MRPL50: variants seen among roughly 807,000 people sequenced by gnomAD.
MRPL50 encodes the protein mitochondrial ribosomal protein L50.
Under a neutral mutation model 16.2 loss-of-function variants are expected in MRPL50, and 10 were observed. That is an observed-to-expected ratio of 0.62 (90% confidence interval 0.38 to 1.05). The LOEUF (loss-of-function observed/expected upper bound fraction) is 1.05, where lower values mean the gene tolerates loss of function less well. Among genes scored for constraint, MRPL50 ranks in the 50% least tolerant of loss-of-function variants. MRPL50 has a pLI of 0.01. For synonymous variants in MRPL50, 68 were observed against 66.8 expected (o/e 1.02, Z -0.09); for missense variants, 213 against 187.1 (o/e 1.14, Z -0.81).
At position 101,390,212 on chromosome 9, in the gene MRPL50, C is replaced by T; in HGVS notation, c.*254G>A. The T allele has an allele frequency of 8.5e-7, 1 of 1,179,430 alleles. No homozygotes were observed. Among genetic ancestry groups the T allele is most frequent in the South Asian group, 2.7e-5 (1 of 37,630 alleles). 73.1% of individuals were successfully genotyped at this position (1,179,430 alleles called of 1,614,324 possible). A position where few individuals can be genotyped will look rare whatever the true frequency, so the allele number is the denominator to read the frequency against. ...TGTCTTAAACCCAAGTTGACAGTGCCCTCTCAAAACTTTTCATAAATAATG... is the reference window on the plus strand; with the variant it reads ...TGTCTTAAACCCAAGTTGACAGTGCTCTCTCAAAACTTTTCATAAATAATG... On this transcript the variant is annotated 3_prime_UTR_variant, in exon 2 of 2. Coordinates refer to ENST00000374865, the MANE Select transcript of MRPL50 (RefSeq NM_019051.3).
chr9:101,389,528 C>G lies in MRPL50; in HGVS notation c.*938G>C. 1 of 1,211,232 alleles carries G rather than the reference C, an allele frequency of 8.3e-7. No individual in the cohort carries two copies. The highest frequency in any genetic ancestry group is 1.1e-6 in the Non-Finnish European group (1 of 920,020). The allele number at this position is 1,211,232 out of a possible 1,614,324, so 75.0% of individuals were successfully genotyped here. On this transcript the variant is annotated 3_prime_UTR_variant, in exon 2 of 2. Coordinates refer to ENST00000374865, the MANE Select transcript of MRPL50 (RefSeq NM_019051.3). ...AATGCAACTTATTTTGTTAAAAACCCTTCTATCACTTTTCTTTAGGAATTG... is the reference window on the plus strand; with the variant it reads ...AATGCAACTTATTTTGTTAAAAACCGTTCTATCACTTTTCTTTAGGAATTG...
intron 1 of MRPL50, among the ~76,000 whole-genome samples, chr9:101,391,885 G>C (rs1438383168): frequency 6.6e-6 from 1 of 152,026 alleles, no homozygotes; most frequent in Non-Finnish European, 1.5e-5. Context: ...CTTCTCATGA[G>C]TACATGGTAC....
rs1259989693 is a variant in MRPL50, at chr9:101,390,099, C to G, written c.*367G>C. 4.9e-6 allele frequency: 5 copies of G among 1,012,164 alleles called. No individual in the cohort carries two copies. The highest frequency in any genetic ancestry group is 5.9e-6 in the Non-Finnish European group (5 of 846,544). The allele number at this position is 1,012,164 out of a possible 1,614,324, so 62.7% of individuals were successfully genotyped here. On this transcript the variant is annotated 3_prime_UTR_variant, in exon 2 of 2. Transcript: ENST00000374865. ...ATTTGTGTATGTGCAATGCATAACT[C>G]TATCTTAGATATGAATCCTAACAGG...
chr9:101,394,442 C>T (rs908718104), intron 1 of MRPL50, among the ~76,000 whole-genome samples: 1 of 152,148 alleles, frequency 6.6e-6, no homozygotes, highest in African/African-American at 2.4e-5. Flanking sequence ...CTCACTTAGA[C>T]CCCCTATGAT....
intron 1 of MRPL50, among the ~76,000 whole-genome samples, chr9:101,395,856 A>ATTTTT (rs764871014): frequency 3.3e-5 from 5 of 152,232 alleles, no homozygotes; most frequent in Admixed American, 6.5e-5. Flanking sequence ...TACAGCTAAA[A>ATTTTT]AGAGTAAGTT....
At chr9:101,397,165 C>A (rs1400702170) in intron 1 of MRPL50, among the ~76,000 whole-genome samples, 1 of 151,904 alleles carries the variant, frequency 6.6e-6, no homozygotes, top group Non-Finnish European at 1.5e-5. Flanking sequence ...ACCACACACA[C>A]AAAAATTCTA....
intron 1 of MRPL50, among the ~76,000 whole-genome samples, chr9:101,393,990 C>CAAAAAAAAA (rs76598460): frequency 1.5e-5 from 1 of 66,480 alleles, no homozygotes; most frequent in Admixed American, 1.6e-4. Context: ...TAATGCTAAG[C>CAAAAAAAAA]AAAAAAAAAA....
At chr9:101,393,990 C>CAAAAAAAAAAAAAAAAAAAAAAAAAA (rs76598460) in intron 1 of MRPL50, among the ~76,000 whole-genome samples, 3 of 66,484 alleles carry the variant, frequency 4.5e-5, no homozygotes, top group Non-Finnish European at 6.4e-5. Flanking sequence ...TAATGCTAAG[C>CAAAAAAAAAAAAAAAAAAAAAAAAAA]AAAAAAAAAA....
Position 101,387,870 on chromosome 9 carries a change from A to G in MRPL50, c.*2596T>C, listed in dbSNP as rs564148327. ...CATCATATGTCTGATTATCTCATTA[A>G]ACAAGTTAGCAAGCCTAATTTAATC... On this transcript the variant is annotated 3_prime_UTR_variant, in exon 2 of 2. Transcript: ENST00000374865. The G allele has an allele frequency of 2.6e-4, 39 of 152,290 alleles. No homozygotes were observed. Among genetic ancestry groups the G allele is most frequent in the African/African-American group, 9.1e-4 (38 of 41,562 alleles). 9.4% of individuals were successfully genotyped at this position (152,290 alleles called of 1,614,324 possible). A position where few individuals can be genotyped will look rare whatever the true frequency, so the allele number is the denominator to read the frequency against.
chr9:101,398,333 G>A (rs1830394203), intron 1 of MRPL50, among the ~76,000 whole-genome samples, 168 bp downstream of exon 1: 1 of 152,130 alleles, frequency 6.6e-6, no homozygotes, highest in African/African-American at 2.4e-5. Context: ...AAGAGACTGG[G>A]TCCCACCACT....
Position 101,390,582 on chromosome 9 carries a change from A to G in MRPL50, c.361T>C (p.Cys121Arg), listed in dbSNP as rs1830257526. 6.2e-7 allele frequency: 1 copy of G among 1,613,418 alleles called. No homozygotes were observed. The highest frequency in any genetic ancestry group is 1.3e-5 in the African/African-American group (1 of 74,902). The change falls in exon 2 of 2, where the codon TGC becomes CGC. Residue 121 changes from cysteine to arginine, a missense_variant. By Grantham distance (180) the Cys-to-Arg change is radical (BLOSUM62 -3). Coordinates refer to ENST00000374865, the MANE Select transcript of MRPL50 (RefSeq NM_019051.3). ...VVPNSRLHQM[C>R]RVRDVLDFYN... ...AAATCAAGAACATCTCTAACCCTGC[A>G]CATCTGGTGGAGTCTGGAGTTAGGG...
intron 1 of MRPL50, among the ~76,000 whole-genome samples, chr9:101,393,421 T>C (rs1029029985): frequency 2.2e-4 from 34 of 152,126 alleles, no homozygotes; most frequent in African/African-American, 7.2e-4. Context: ...TGAAAAGAAG[T>C]CAAATTGTTC....
In MRPL50 at chr9:101,390,776, C is replaced by T. The variant is rs376144518; in HGVS notation, c.167G>A (p.Arg56Gln). Residue 56 changes from arginine to glutamine, a missense_variant, in exon 2 of 2, where the codon CGA becomes CAA. Physicochemically the swap from Arg to Gln is conservative, Grantham distance 43. Coordinates refer to ENST00000374865, the MANE Select transcript of MRPL50 (RefSeq NM_019051.3). ...TTCAGGTGGTGTGTATGCTCGGCTT[C>T]GTAAAGGTGGACACACTAGGATAGG... The part of the protein sequence containing the change: ...KEPILVCPPL[R>Q]SRAYTPPEDL... 46 of 1,613,544 alleles carry T rather than the reference C, an allele frequency of 2.9e-5. No individual in the cohort carries two copies. Among genetic ancestry groups the T allele is most frequent in the African/African-American group, 4.0e-5 (3 of 74,984 alleles).
chr9:101,396,648 A>G (rs565115707), intron 1 of MRPL50, among the ~76,000 whole-genome samples: 24 of 152,320 alleles, frequency 1.6e-4, no homozygotes, highest in Non-Finnish European at 2.6e-4. Context: ...TGTAGTATCT[A>G]AAAAGTCAAA....
At chr9:101,395,331 T>C (rs1830325829) in intron 1 of MRPL50, among the ~76,000 whole-genome samples, 1 of 152,142 alleles carries the variant, frequency 6.6e-6, no homozygotes. Flanking sequence ...TGTAAATTAG[T>C]ACAACTGCTA....
chr9:101,394,152 GA>G (rs1028858200), intron 1 of MRPL50, among the ~76,000 whole-genome samples: 1 of 152,072 alleles, frequency 6.6e-6, no homozygotes, highest in African/African-American at 2.4e-5. Context: ...GCCTTTTTCT[GA>G]AAAGACCTCC....
intron 1 of MRPL50, among the ~76,000 whole-genome samples, chr9:101,395,052 T>C (rs1345843163): frequency 6.6e-6 from 1 of 152,058 alleles, no homozygotes; most frequent in Non-Finnish European, 1.5e-5. Context: ...ATAACCAGAA[T>C]ATACAAGGAA....
At chr9:101,392,133 A>G (rs1221284670) in intron 1 of MRPL50, among the ~76,000 whole-genome samples, 3 of 152,074 alleles carry the variant, frequency 2.0e-5, no homozygotes, top group African/African-American at 7.2e-5. Context: ...ATGAAAACAC[A>G]ACACATCAAA....
In MRPL50 at chr9:101,390,674, G is replaced by A; in HGVS notation, c.269C>T (p.Ser90Phe). Reference protein sequence around the residue: ...SSLPSNWQDISLEDSRLKFNL... With the variant: ...SSLPSNWQDIFLEDSRLKFNL... ...GAACTTTAGACGACTATCTTCCAGG[G>A]AGATGTCTTGCCAATTACTAGGAAG... is the stretch of plus-strand genomic sequence containing the variant. Residue 90 changes from serine (S) to phenylalanine (F), a missense_variant, in exon 2 of 2, where the codon TCC becomes TTC. Transcript: ENST00000374865. 6.3e-7 allele frequency: 1 copy of A among 1,581,468 alleles called. No homozygotes were observed. Among genetic ancestry groups the A allele is most frequent in the Non-Finnish European group, 8.6e-7 (1 of 1,160,278 alleles).
Sources: allele counts gnomAD v4.1 joint callset (sites outside exome capture counted in the v4.1 genomes callset), GRCh38; gene constraint gnomAD v4.1.1; transcripts MANE v1.5; gene names NCBI Gene and HGNC (gene_info 2026-07-23, HGNC 2026-07-21).